Variants in SYTL5 observed in about 807,000 individuals in gnomAD.
The protein encoded by SYTL5 is synaptotagmin-like protein 5.
SYTL5 carries 34 observed loss-of-function variants against 55.9 expected under a neutral mutation model. The ratio of observed to expected loss-of-function variants is 0.61; its 90% CI spans 0.46 to 0.81. The LOEUF (loss-of-function observed/expected upper bound fraction) is 0.81. Ranked by LOEUF, SYTL5 falls within the 30% of genes least tolerant of loss-of-function variation. SYTL5 has a pLI of 0.00. For missense variants in SYTL5, 637 were observed against 546.7 expected, an observed-to-expected ratio of 1.17 and a Z score of -1.65; for synonymous variants, 221 against 188.7, an observed-to-expected ratio of 1.17 and a Z score of -1.40.
intron 2 of SYTL5, among the ~76,000 whole-genome samples, chrX:38,035,270 A>G (rs1935069804): frequency 8.9e-6 from 1 of 112,558 alleles, no homozygotes; most frequent in Non-Finnish European, 1.9e-5. Context: ...TGACATTAGT[A>G]GTCAAGTCAT....
intron 12 of SYTL5, among the ~76,000 whole-genome samples, 167 bp from the exon 13 acceptor site, chrX:38,110,154 C>T (rs914018061): frequency 1.2e-4 from 13 of 111,612 alleles, no homozygotes; most frequent in African/African-American, 4.2e-4. Context: ...TGGCATAGAA[C>T]TTCAATTGTA....
intron 1 of SYTL5, among the ~76,000 whole-genome samples, chrX:38,011,456 C>A (rs769283240): frequency 1.8e-5 from 2 of 109,966 alleles, no homozygotes; most frequent in East Asian, 5.8e-4. Context: ...ATGGTGAAAC[C>A]CCGTCTCTAC....
the SYTL5 span, chrX:37,991,084 C>T: frequency 8.3e-7 from 1 of 1,211,433 alleles, no homozygotes; most frequent in Non-Finnish European, 1.1e-6. Context: ...CGCAACACTT[C>T]ACAAGATAGG....
intron 1 of SYTL5, among the ~76,000 whole-genome samples, chrX:38,032,328 G>T (rs1358780991): frequency 8.9e-6 from 1 of 111,951 alleles, no homozygotes; most frequent in African/African-American, 3.2e-5. Flanking sequence ...TTTAGAGAGA[G>T]AATCCAGGTA....
chrX:38,061,511 A>T (rs1935944501), intron 3 of SYTL5, among the ~76,000 whole-genome samples: 1 of 111,952 alleles, frequency 8.9e-6, no homozygotes, highest in African/African-American at 3.2e-5. Flanking sequence ...CTAAGAGATG[A>T]GATGAGTCAG....
At chrX:38,057,269 C>A (rs996208418) in intron 3 of SYTL5, among the ~76,000 whole-genome samples, 1 of 111,511 alleles carries the variant, frequency 9.0e-6, no homozygotes, top group African/African-American at 3.3e-5. Context: ...ATTCTGGCAC[C>A]TTTGTGGAAA....
the SYTL5 span, among the ~76,000 whole-genome samples, chrX:37,982,528 A>G: frequency 1.8e-5 from 2 of 112,932 alleles, no homozygotes; most frequent in African/African-American, 6.4e-5. Context: ...TTATGTAATT[A>G]TGAAAGAGAG....
At chrX:38,095,666 T>C (rs1936916142) in intron 8 of SYTL5, among the ~76,000 whole-genome samples, 1 of 112,330 alleles carries the variant, frequency 8.9e-6, no homozygotes, top group African/African-American at 3.2e-5. Flanking sequence ...AAGAACTTGC[T>C]ATATCACTTC....
intron 1 of SYTL5, among the ~76,000 whole-genome samples, chrX:38,033,187 C>T (rs1261911138): frequency 9.0e-6 from 1 of 111,334 alleles, no homozygotes. Flanking sequence ...AGGCCCTGAT[C>T]TGTTATGGGC....
chrX:38,020,558 A>G (rs1934521797), intron 1 of SYTL5, among the ~76,000 whole-genome samples: 1 of 106,522 alleles, frequency 9.4e-6, no homozygotes, highest in Admixed American at 1.0e-4. Context: ...ATATAAAAAG[A>G]CTATTAGTAT....
intron 2 of SYTL5, among the ~76,000 whole-genome samples, chrX:38,051,258 T>A (rs769594022): frequency 9.0e-6 from 1 of 111,725 alleles, no homozygotes; most frequent in South Asian, 3.8e-4. Context: ...GAAAGAGGTA[T>A]AAATTTCATT....
intron 3 of SYTL5, among the ~76,000 whole-genome samples, chrX:38,056,315 A>T (rs1935781100): frequency 8.9e-6 from 1 of 112,078 alleles, no homozygotes; most frequent in Non-Finnish European, 1.9e-5. Context: ...TTTATAGCTG[A>T]ATAGTACTCC....
At chrX:38,036,504 C>T (rs1190158243) in intron 2 of SYTL5, among the ~76,000 whole-genome samples, 1 of 111,356 alleles carries the variant, frequency 9.0e-6, no homozygotes, top group Non-Finnish European at 1.9e-5. Flanking sequence ...ATAAGAAAGG[C>T]TGTTTATAAA....
chrX:38,046,970 C>T (rs899161199), intron 2 of SYTL5, among the ~76,000 whole-genome samples: 2 of 112,269 alleles, frequency 1.8e-5, no homozygotes, highest in Non-Finnish European at 3.8e-5. Flanking sequence ...ACATCCAGGT[C>T]ACGCACGCTG....
At chrX:37,911,809 C>T in the SYTL5 span, among the ~76,000 whole-genome samples, 21 of 111,668 alleles carry the variant, frequency 1.9e-4, no homozygotes, top group East Asian at 5.6e-3. Context: ...TATATACACA[C>T]ACATACATAT....
chrX:37,997,310 C>T, the SYTL5 span, among the ~76,000 whole-genome samples: 68 of 112,256 alleles, frequency 6.1e-4, no homozygotes, highest in African/African-American at 1.7e-3. Flanking sequence ...CGGTTGCAGC[C>T]GCAGCTGCCC....
intron 14 of SYTL5, among the ~76,000 whole-genome samples, chrX:38,121,069 G>A (rs1486784151): frequency 9.0e-6 from 1 of 111,571 alleles, no homozygotes; most frequent in Non-Finnish European, 1.9e-5. Flanking sequence ...GGCAGAAGGT[G>A]AAGGTGGAGC....
the SYTL5 span, among the ~76,000 whole-genome samples, chrX:37,889,599 C>T: frequency 1.5e-4 from 17 of 111,052 alleles, no homozygotes; most frequent in African/African-American, 5.2e-4. Flanking sequence ...GGGGGATAAT[C>T]ATACAAAGAG....
At chrX:38,040,738 C>T (rs770458365) in intron 2 of SYTL5, among the ~76,000 whole-genome samples, 1 of 111,809 alleles carries the variant, frequency 8.9e-6, no homozygotes, top group East Asian at 2.8e-4. Flanking sequence ...TTGATGGCTG[C>T]TTCCAAATCT....
Sources: gnomAD v4.1 joint callset for allele counts (sites outside exome capture counted in the v4.1 genomes callset) on GRCh38, gnomAD v4.1.1 for gene constraint, MANE v1.5 for transcripts, NCBI Gene and HGNC (gene_info 2026-07-23, HGNC 2026-07-21) for gene names.